The following ERICH3 variants were observed in gnomAD, a reference collection of about 807,000 sequenced individuals.
ERICH3 encodes glutamate rich 3.
In ERICH3, 126 loss-of-function variants were observed where a neutral mutation model predicts 131.1. The observed-to-expected ratio is 0.96, with a 90% CI of 0.83 to 1.11. ERICH3 has a LOEUF of 1.11. ERICH3 is among the 50% of genes most tolerant of loss of function. The pLI, the probability that ERICH3 is intolerant of heterozygous loss-of-function variation, is 0.00. For missense variants in ERICH3, 2,050 were observed against 1,810.7 expected, an observed-to-expected ratio of 1.13 and a Z score of -2.40; for synonymous variants, 695 against 644.6, an observed-to-expected ratio of 1.08 and a Z score of -1.18.
chr1:74,599,113 T>C (rs1320689961), intron 11 of ERICH3, among the ~76,000 whole-genome samples: 1 of 151,968 alleles, frequency 6.6e-6, no homozygotes, highest in African/African-American at 2.4e-5. Flanking sequence ...TAAGTTTATG[T>C]AATGGAAAGA....
intron 12 of ERICH3, among the ~76,000 whole-genome samples, chr1:74,578,903 G>A (rs550501504): frequency 1.3e-5 from 2 of 152,066 alleles, no homozygotes; most frequent in Non-Finnish European, 2.9e-5. Flanking sequence ...GGAAAATTGT[G>A]ACTTAACAAT....
chr1:74,586,467 AAG>A (rs1490855268), intron 12 of ERICH3: 2 of 984,492 alleles, frequency 2.0e-6, no homozygotes, highest in East Asian at 2.3e-4. Context: ...TTGGGCGAGA[AAG>A]ACTTTCACTT....
At chr1:74,638,285 T>TA (rs1646409175) in intron 5 of ERICH3, among the ~76,000 whole-genome samples, 1 of 152,136 alleles carries the variant, frequency 6.6e-6, no homozygotes, top group Non-Finnish European at 1.5e-5. Context: ...CGTGAGAACA[T>TA]AAAAAGTAAT....
intron 1 of ERICH3, among the ~76,000 whole-genome samples, chr1:74,649,535 G>A (rs976220046): frequency 6.6e-6 from 1 of 152,052 alleles, no homozygotes; most frequent in Non-Finnish European, 1.5e-5. Context: ...CCACAGACAA[G>A]TATGGAAATC....
At position 74,654,927 on chromosome 1, in the gene ERICH3, T is replaced by C. The variant is rs368014566; in HGVS notation, c.24-5612A>G. ...GAGGGATACAGTATGCTAAGTATAA[T>C]GATGGAAAAATGTGAATGGTGAAAT... On this transcript the variant is annotated intron_variant, in intron 1 of 14. Transcript: ENST00000326665. Among the ~76,000 whole-genome samples the C allele has an allele frequency of 2.4e-4, 37 of 152,280 alleles. No individual in the cohort carries two copies. The East Asian group carries it at 6.0e-3, about 25-fold the overall frequency.
chr1:74,585,777 T>G (rs2100554273), intron 12 of ERICH3, among the ~76,000 whole-genome samples: 1 of 152,252 alleles, frequency 6.6e-6, no homozygotes, highest in South Asian at 2.1e-4. Flanking sequence ...TATTTTGTGA[T>G]TTTATGTGGA....
chr1:74,648,753 A>G (rs1646506084), intron 2 of ERICH3, among the ~76,000 whole-genome samples: 1 of 152,160 alleles, frequency 6.6e-6, no homozygotes, highest in South Asian at 2.1e-4. Context: ...AATGAAATAC[A>G]CTAATATTAT....
At chr1:74,587,884 CA>C (rs1166194195) in intron 12 of ERICH3, among the ~76,000 whole-genome samples, 1 of 152,132 alleles carries the variant, frequency 6.6e-6, no homozygotes, top group Non-Finnish European at 1.5e-5. Context: ...TTATATATGA[CA>C]AAAATCCTTT....
intron 1 of ERICH3, among the ~76,000 whole-genome samples, chr1:74,657,699 C>T (rs180909072): frequency 6.6e-6 from 1 of 152,144 alleles, no homozygotes; most frequent in East Asian, 1.9e-4. Flanking sequence ...TGACTGCTGG[C>T]AAGACAGTTT....
Position 74,569,910 on chromosome 1 carries a change from G to A in ERICH3, c.*548C>T, listed in dbSNP as rs1307361137. 1 of 152,206 alleles carries A rather than the reference G, an allele frequency of 6.6e-6. No individual in the cohort carries two copies. The highest frequency in any genetic ancestry group is 6.5e-5 in the Admixed American group (1 of 15,286). The allele number at this position is 152,206 out of a possible 1,614,324, so 9.4% of individuals were successfully genotyped here. A position where few individuals can be genotyped will look rare whatever the true frequency, so the allele number is the denominator to read the frequency against. ...CATGCCAAGAAATCTTTTGCTGGAA[G>A]AACTTAGAGATTTGGAGCAATCTTG... On this transcript the variant is annotated 3_prime_UTR_variant, in exon 15 of 15. Transcript: ENST00000326665.
At chr1:74,646,889 GACAC>G (rs141577300) in intron 2 of ERICH3, 97 bp from the exon 3 acceptor site, 174 of 247,266 alleles carry the variant, frequency 7.0e-4, no homozygotes, top group East Asian at 3.5e-3. Flanking sequence ...AAGACAGACA[GACAC>G]ACACACACAC....
intron 8 of ERICH3, among the ~76,000 whole-genome samples, chr1:74,614,608 C>T (rs950758685): frequency 8.1e-5 from 12 of 147,548 alleles, no homozygotes; most frequent in African/African-American, 3.0e-4. Flanking sequence ...ACCCGGGAGG[C>T]GGAGCTTGCA....
intron 1 of ERICH3, among the ~76,000 whole-genome samples, chr1:74,671,339 C>A (rs1646741321): frequency 6.6e-6 from 1 of 152,080 alleles, no homozygotes; most frequent in African/African-American, 2.4e-5. Flanking sequence ...AGCATTTGAT[C>A]TTTGTTCTGC....
intron 4 of ERICH3, 58 bp downstream of exon 4, chr1:74,642,965 CTGTT>C (rs755119491): frequency 1.6e-6 from 2 of 1,261,674 alleles, no homozygotes; most frequent in Non-Finnish European, 2.3e-6. Context: ...CATAGTTTCA[CTGTT>C]TTTTTTAAAA....
chr1:74,599,635 G>T, intron 11 of ERICH3, 60 bp downstream of exon 11: 1 of 1,329,418 alleles, frequency 7.5e-7, no homozygotes, highest in East Asian at 2.4e-5. Context: ...AGAAAACAAA[G>T]AAAAGTAGTA....
intron 1 of ERICH3, among the ~76,000 whole-genome samples, chr1:74,653,947 G>A (rs1368263278): frequency 2.0e-5 from 3 of 152,070 alleles, no homozygotes; most frequent in Non-Finnish European, 4.4e-5. Flanking sequence ...GTGACCCTCT[G>A]CCTCAATTTT....
At chr1:74,642,161 A>G (rs889248119) in intron 4 of ERICH3, among the ~76,000 whole-genome samples, 1 of 151,974 alleles carries the variant, frequency 6.6e-6, no homozygotes, top group Non-Finnish European at 1.5e-5. Context: ...CTACACACCA[A>G]CTCTTTGATC....
intron 12 of ERICH3, chr1:74,579,325 A>C (rs932129549): frequency 3.7e-6 from 3 of 821,822 alleles, no homozygotes; most frequent in African/African-American, 1.9e-5. Context: ...ATAAACAATA[A>C]GCAATTAGCA....
At chr1:74,655,701 G>C (rs539329177) in intron 1 of ERICH3, among the ~76,000 whole-genome samples, 8 of 152,100 alleles carry the variant, frequency 5.3e-5, no homozygotes, top group Non-Finnish European at 1.2e-4. Context: ...TGCTCTGAAG[G>C]CTAGAATATG....
Sources: allele counts gnomAD v4.1 joint callset (sites outside exome capture counted in the v4.1 genomes callset), GRCh38; gene constraint gnomAD v4.1.1; transcripts MANE v1.5; gene names NCBI Gene and HGNC (gene_info 2026-07-23, HGNC 2026-07-21).